The following LOXL1 variants were observed in gnomAD, a reference collection of about 807,000 sequenced individuals.
LOXL1 encodes the protein lysyl oxidase homolog 1.
Under a neutral mutation model 62.2 loss-of-function variants are expected in LOXL1, and 31 were observed. The ratio of observed to expected loss-of-function variants is 0.50; its 90% CI spans 0.37 to 0.67. LOXL1 has a LOEUF of 0.67. LOXL1 is among the 30% of genes least tolerant of loss of function. LOXL1 has a pLI of 0.00. For synonymous variants in LOXL1, 403 were observed against 384.4 expected (o/e 1.05, Z -0.56); for missense variants, 775 against 843.4 (o/e 0.92, Z 1.00).
In LOXL1 at chr15:73,927,102, G is replaced by A. The variant is rs2068585973; in HGVS notation, c.319G>A (p.Gly107Ser). 1.5e-6 allele frequency: 2 copies of A among 1,317,360 alleles called. No homozygotes were observed. Among genetic ancestry groups the A allele is most frequent in the East Asian group, 6.2e-5 (2 of 32,066 alleles). The allele number at this position is 1,317,360 out of a possible 1,614,324, so 81.6% of individuals were successfully genotyped here. The change falls in exon 1 of 7, where the codon GGC becomes AGC. Residue 107 changes from glycine to serine, a missense_variant. Transcript: ENST00000261921. ...GTCCCTGCCCCTGCCGGGGCGCGTG[G>A]GCTCGGACACCGTGCGCGGCCAGGC... ...APSLPLPGRV[G>S]SDTVRGQARH...
chr15:73,947,073 C>T lies in LOXL1; in HGVS notation c.1356C>T (p.Tyr452=), dbSNP rs1447076684. 3.7e-6 allele frequency: 6 copies of T among 1,604,958 alleles called. No homozygotes were observed. The African/African-American group carries it at 4.0e-5, about 11-fold the overall frequency. The part of the protein sequence containing the change: ...TWEWHSCHQH[Y]HSMDEFSHYD... The stretch of plus-strand genomic sequence containing the variant: ...TTCTCTCCTCTGCCCCTAGGCATTA[C>T]CACAGCATGGACGAGTTCAGCCACT... Residue 452 remains tyrosine (Y), a synonymous_variant, in exon 4 of 7, where the codon TAC becomes TAT. Transcript: ENST00000261921.
chr15:73,941,108 G>T (rs904619453), intron 1 of LOXL1, among the ~76,000 whole-genome samples: 3 of 152,154 alleles, frequency 2.0e-5, no homozygotes, highest in African/African-American at 7.2e-5. Context: ...TCCCCCAGAG[G>T]CTTCCAGGGT....
In LOXL1 at chr15:73,927,255, G is replaced by A. The variant is rs371771169; in HGVS notation, c.472G>A (p.Val158Ile). 3 of 1,600,866 alleles carry A rather than the reference G, an allele frequency of 1.9e-6. No individual in the cohort carries two copies. Among genetic ancestry groups the A allele is most frequent in the Non-Finnish European group, 2.5e-6 (3 of 1,177,484 alleles). ...QQRHGGSASS[V>I]SASAFASTYR... ...ACGGCACGGGGGCTCCGCCTCCTCG[G>A]TCTCGGCTTCGGCCTTCGCCAGCAC... The change falls in exon 1 of 7, where the codon GTC becomes ATC. Residue 158 changes from valine (V) to isoleucine (I), a missense_variant. Physicochemically the swap from Val to Ile is conservative, Grantham distance 29 (BLOSUM62 3). Coordinates refer to ENST00000261921, the MANE Select transcript of LOXL1 (RefSeq NM_005576.4).
intron 1 of LOXL1, among the ~76,000 whole-genome samples, chr15:73,941,211 G>A (rs2068711405): frequency 1.3e-5 from 2 of 152,152 alleles, no homozygotes. Context: ...AAGTAACAGG[G>A]CCTAGGCTGG....
rs980838838 is a variant in LOXL1, at chr15:73,927,143, C to A, written c.360C>A (p.Gly120=). 1.1e-5 allele frequency: 17 copies of A among 1,490,808 alleles called. No homozygotes were observed. Among genetic ancestry groups the A allele is most frequent in the Non-Finnish European group, 1.5e-5 (17 of 1,118,516 alleles). 92.3% of individuals were successfully genotyped at this position (1,490,808 alleles called of 1,614,324 possible). Residue 120 remains glycine, a synonymous_variant, in exon 1 of 7, where the codon GGC becomes GGA. Coordinates refer to ENST00000261921, the MANE Select transcript of LOXL1 (RefSeq NM_005576.4). Reference sequence around the variant, plus strand: ...GCGGCCAGGCGCGGCACCCATTCGGCTTTGGCCAGGTGCCCGACAACTGGC... The same window carrying A: ...GCGGCCAGGCGCGGCACCCATTCGGATTTGGCCAGGTGCCCGACAACTGGC... ...TVRGQARHPF[G]FGQVPDNWRE...
intron 6 of LOXL1, 99 bp from the exon 7 acceptor site, chr15:73,951,732 C>CCACG (rs2068788578): frequency 9.0e-7 from 1 of 1,109,016 alleles, no homozygotes; most frequent in Non-Finnish European, 1.2e-6. Context: ...GCCTGCCCTG[C>CCACG]CACGAGGGAT....
Position 73,927,803 on chromosome 15 carries a change from C to A in LOXL1, c.1020C>A (p.Pro340=). 7.3e-7 allele frequency: 1 copy of A among 1,375,286 alleles called. No homozygotes were observed. The highest frequency in any genetic ancestry group is 9.3e-7 in the Non-Finnish European group (1 of 1,073,012). The allele number at this position is 1,375,286 out of a possible 1,614,324, so 85.2% of individuals were successfully genotyped here. A position where few individuals can be genotyped will look rare whatever the true frequency, so the allele number is the denominator to read the frequency against. The part of the protein sequence containing the change: ...PYLPVRSSDT[P]PPGGERNGAQ... ...TGCCGGTGCGCAGCTCCGACACGCCCCCGCCGGGTGGGGAGCGGAACGGCG... is the reference window on the plus strand; with the variant it reads ...TGCCGGTGCGCAGCTCCGACACGCCACCGCCGGGTGGGGAGCGGAACGGCG... Residue 340 remains proline, a synonymous_variant, in exon 1 of 7, where the codon CCC becomes CCA. Transcript: ENST00000261921.
chr15:73,946,988 C>T (rs2068751891), intron 3 of LOXL1, 79 bp from the exon 4 acceptor site: 1 of 1,412,756 alleles, frequency 7.1e-7, no homozygotes, highest in Non-Finnish European at 9.5e-7. Flanking sequence ...TCACCTGAGC[C>T]CATCTCAGGA....
Position 73,949,077 on chromosome 15 carries a change from A to C in LOXL1, c.1603-382A>C, listed in dbSNP as rs1470688112. Among the ~76,000 whole-genome samples the C allele has an allele frequency of 2.0e-5, 3 of 146,676 alleles. No homozygotes were observed. In the East Asian group the frequency reaches 5.8e-4, roughly 28 times the overall value. ...CAGGCCCTCGATCAGTCACCTAGACAGGGATGCATAGGGAATGACTTTGAG... is the reference window on the plus strand; with the variant it reads ...CAGGCCCTCGATCAGTCACCTAGACCGGGATGCATAGGGAATGACTTTGAG... On this transcript the variant is annotated intron_variant, in intron 5 of 6. Transcript: ENST00000261921.
chr15:73,941,415 G>A (rs2068712714), intron 1 of LOXL1, among the ~76,000 whole-genome samples: 1 of 152,192 alleles, frequency 6.6e-6, no homozygotes, highest in Non-Finnish European at 1.5e-5. Context: ...TATGCTGGCA[G>A]ACACTTCTGC....
chr15:73,951,534 A>G (rs1189800452), intron 6 of LOXL1, among the ~76,000 whole-genome samples: 1 of 151,970 alleles, frequency 6.6e-6, no homozygotes, highest in African/African-American at 2.4e-5. Context: ...ACTGAGTTAG[A>G]AAAAACAAGA....
chr15:73,946,398 T>TCCC lies in LOXL1; in HGVS notation c.1212-16_1212-14dup. ...CACTGTGCCCCAACCCCCCCTCATC[T>TCCC]CCCCCGCCGTCCCTGCAGCACAGCC... On this transcript the variant is annotated intron_variant, in intron 2 of 6. Transcript: ENST00000261921. The TCCC allele has an allele frequency of 2.4e-5, 33 of 1,360,828 alleles. No individual in the cohort carries two copies. Among genetic ancestry groups the TCCC allele is most frequent in the South Asian group, 1.1e-4 (9 of 83,892 alleles). The allele number at this position is 1,360,828 out of a possible 1,614,324, so 84.3% of individuals were successfully genotyped here. A position where few individuals can be genotyped will look rare whatever the true frequency, so the allele number is the denominator to read the frequency against.
chr15:73,927,747 G>A lies in LOXL1; in HGVS notation c.964G>A (p.Gly322Arg), dbSNP rs893297665. 1.4e-6 allele frequency: 2 copies of A among 1,453,126 alleles called. No individual in the cohort carries two copies. Among genetic ancestry groups the A allele is most frequent in the Non-Finnish European group, 9.0e-7 (1 of 1,109,188 alleles). The allele number at this position is 1,453,126 out of a possible 1,614,324, so 90.0% of individuals were successfully genotyped here. The change falls in exon 1 of 7, where the codon GGG becomes AGG. Residue 322 changes from glycine to arginine, a missense_variant. Gly to Arg is a moderately radical substitution (Grantham distance 125). Coordinates refer to ENST00000261921, the MANE Select transcript of LOXL1 (RefSeq NM_005576.4). ...CGCCAACCCGCCGCCCGAGGCGTAC[G>A]GGCCGCCGCGCGCGCTGGAGCCGCC... ...PYANPPPEAY[G>R]PPRALEPPYL... is the part of the protein sequence containing the mutation.
At chr15:73,942,031 C>T in intron 1 of LOXL1, 1 of 180,342 alleles carries the variant, frequency 5.5e-6, no homozygotes, top group Non-Finnish European at 1.3e-5. Flanking sequence ...CCAGGCCTTG[C>T]AGGGGAGAGA....
chr15:73,942,799 C>A, intron 1 of LOXL1, 55 bp from the exon 2 acceptor site: 2 of 1,100,618 alleles, frequency 1.8e-6, no homozygotes, highest in Non-Finnish European at 2.8e-6. Context: ...CAACCTGATG[C>A]TCTCAATGTC....
chr15:73,938,323 A>G (rs1006353260), intron 1 of LOXL1, among the ~76,000 whole-genome samples: 4 of 61,058 alleles, frequency 6.6e-5, no homozygotes, highest in East Asian at 5.3e-4. Context: ...ATCTAGGTAG[A>G]TAGATAGAAC....
At chr15:73,934,189 CAAA>C (rs1472677929) in intron 1 of LOXL1, among the ~76,000 whole-genome samples, 1 of 152,226 alleles carries the variant, frequency 6.6e-6, no homozygotes, top group Non-Finnish European at 1.5e-5. Flanking sequence ...AATCTTTCTG[CAAA>C]AGAAAGGACT....
chr15:73,935,568 C>A (rs2068664915), intron 1 of LOXL1, among the ~76,000 whole-genome samples: 1 of 151,674 alleles, frequency 6.6e-6, no homozygotes, highest in Admixed American at 6.6e-5. Flanking sequence ...TAGGGGGCAC[C>A]AGGCAGGGCC....
rs2068579649 is a variant in LOXL1 at position 73,926,708 on chromosome 15, CG to C, written c.-75del. On this transcript the variant is annotated 5_prime_UTR_variant, in exon 1 of 7. An upstream open reading frame in the 5' UTR gains an earlier in-frame stop. Coordinates refer to ENST00000261921, the MANE Select transcript of LOXL1 (RefSeq NM_005576.4). ...CAAGGAGCCTTCCTGTCCTCGAGGC[CG>C]TGGGAAGAGAAGCACGCCCAGGGGG... 2.2e-6 allele frequency: 3 copies of C among 1,354,426 alleles called. No homozygotes were observed. Among genetic ancestry groups the C allele is most frequent in the Non-Finnish European group, 1.9e-6 (2 of 1,048,596 alleles). 83.9% of individuals were successfully genotyped at this position (1,354,426 alleles called of 1,614,324 possible). A position where few individuals can be genotyped will look rare whatever the true frequency, so the allele number is the denominator to read the frequency against.
Sources: gnomAD v4.1 joint callset for allele counts (sites outside exome capture counted in the v4.1 genomes callset) on GRCh38, gnomAD v4.1.1 for gene constraint, MANE v1.5 for transcripts, NCBI Gene and HGNC (gene_info 2026-07-23, HGNC 2026-07-21) for gene names.